Variants in MACROD2 observed in about 807,000 individuals in gnomAD.
MACROD2 encodes the protein ADP-ribose glycohydrolase MACROD2.
A neutral mutation model predicts 70.4 loss-of-function variants in MACROD2; 36 were observed. The ratio of observed to expected loss-of-function variants is 0.51; its 90% confidence interval spans 0.39 to 0.68. The LOEUF (loss-of-function observed/expected upper bound fraction) is 0.68. Among genes scored for constraint, MACROD2 ranks in the 30% least tolerant of loss-of-function variants. MACROD2 has a pLI of 0.00. For missense variants in MACROD2, 496 were observed against 538.4 expected, an observed-to-expected ratio of 0.92 and a Z score of 0.78; for synonymous variants, 172 against 178.8, an observed-to-expected ratio of 0.96 and a Z score of 0.30.
At chr20:15,473,716 T>G (rs2046987926) in intron 7 of MACROD2, among the ~76,000 whole-genome samples, 1 of 152,218 alleles carries the variant, frequency 6.6e-6, no homozygotes, top group African/African-American at 2.4e-5. Flanking sequence ...TCCCTTAGTT[T>G]CCAACTCTGC....
At chr20:15,528,431 T>C (rs1394033192) in intron 8 of MACROD2, among the ~76,000 whole-genome samples, 3 of 152,198 alleles carry the variant, frequency 2.0e-5, no homozygotes, top group Non-Finnish European at 2.9e-5. Flanking sequence ...TGGATGCTTT[T>C]TTATCATGAG....
intron 3 of MACROD2, among the ~76,000 whole-genome samples, chr20:14,460,339 C>T (rs2084353829): frequency 1.3e-5 from 2 of 152,122 alleles, no homozygotes; most frequent in South Asian, 4.1e-4. Flanking sequence ...TACACTCCCA[C>T]CAACAGTGTA....
intron 5 of MACROD2, among the ~76,000 whole-genome samples, chr20:15,197,845 C>T (rs199313): frequency 0.2 from 30,160 of 151,666 alleles, 3,406 homozygotes; most frequent in African/African-American, 0.31. Context: ...TAGAGGTGCA[C>T]ACCATCACAT....
chr20:14,251,120 G>C (rs575203972), intron 3 of MACROD2, among the ~76,000 whole-genome samples: 33 of 152,192 alleles, frequency 2.2e-4, no homozygotes, highest in Non-Finnish European at 4.0e-4. Context: ...GAATGTGTTT[G>C]AGGACCTATG....
At chr20:16,006,020 A>G (rs1354218568) in intron 15 of MACROD2, among the ~76,000 whole-genome samples, 1 of 152,192 alleles carries the variant, frequency 6.6e-6, no homozygotes, top group Non-Finnish European at 1.5e-5. Context: ...AAGGGAGATC[A>G]GTTAAAGACT....
At chr20:14,247,703 GTGA>G (rs1422257749) in intron 3 of MACROD2, among the ~76,000 whole-genome samples, 1 of 152,202 alleles carries the variant, frequency 6.6e-6, no homozygotes, top group Non-Finnish European at 1.5e-5. Context: ...GTGAAAATGT[GTGA>G]TGGGATTATT....
chr20:15,930,602 G>C (rs1024657438), intron 10 of MACROD2, among the ~76,000 whole-genome samples: 1 of 152,182 alleles, frequency 6.6e-6, no homozygotes, highest in Non-Finnish European at 1.5e-5. Flanking sequence ...GAAAGCATTT[G>C]CTCTGTGATA....
At chr20:15,574,888 T>A (rs2048423566) in intron 8 of MACROD2, among the ~76,000 whole-genome samples, 5 of 152,222 alleles carry the variant, frequency 3.3e-5, no homozygotes, top group Admixed American at 3.3e-4. Context: ...CAAGGTCATG[T>A]ATGAAATTAG....
At chr20:14,164,754 C>T (rs148527437) in intron 3 of MACROD2, among the ~76,000 whole-genome samples, 22 of 152,084 alleles carry the variant, frequency 1.4e-4, no homozygotes, top group Middle Eastern at 3.4e-3. Flanking sequence ...TTAGATGGCA[C>T]GCTTACTTAC....
At chr20:14,582,611 T>C (rs1262856401) in intron 4 of MACROD2, among the ~76,000 whole-genome samples, 1 of 152,204 alleles carries the variant, frequency 6.6e-6, no homozygotes, top group Non-Finnish European at 1.5e-5. Flanking sequence ...ATGGTGCTAA[T>C]GCAGTGTGAT....
chr20:15,460,936 C>T lies in MACROD2; in HGVS notation c.571+29501C>T, dbSNP rs148778969. 3.1e-3 allele frequency among the ~76,000 whole-genome samples: 442 copies of T among 141,920 alleles called. 4 individuals are homozygous for T. Among genetic ancestry groups the T allele is most frequent in the African/African-American group, 0.011 (409 of 38,800 alleles). The allele number at this position is 141,920 out of a possible 152,430, so 93.1% of individuals were successfully genotyped here. On this transcript the variant is annotated intron_variant, in intron 7 of 17. Coordinates refer to ENST00000684519, the MANE Select transcript of MACROD2 (RefSeq NM_001351661.2). ...GGAGAAGATGAATGAGTCCACTTTTCTTCATTATAAATAGCTTCCCTTTAA... is the reference window on the plus strand; with the variant it reads ...GGAGAAGATGAATGAGTCCACTTTTTTTCATTATAAATAGCTTCCCTTTAA...
At chr20:15,198,237 G>T (rs953051121) in intron 5 of MACROD2, among the ~76,000 whole-genome samples, 1 of 152,078 alleles carries the variant, frequency 6.6e-6, no homozygotes, top group African/African-American at 2.4e-5. Flanking sequence ...TGAATTACAG[G>T]CATGAGCCAA....
Position 15,884,145 on chromosome 20 carries a change from C to G in MACROD2, c.728-1619C>G, listed in dbSNP as rs141791331. ...CCCAGGGGATGGATGGATGGAGGAG[C>G]CAGGATGCAAACCTAAGCCCATGTG... On this transcript the variant is annotated intron_variant, in intron 9 of 17. Coordinates refer to ENST00000684519, the MANE Select transcript of MACROD2 (RefSeq NM_001351661.2). Among the ~76,000 whole-genome samples, 10 of 152,096 alleles carry G rather than the reference C, an allele frequency of 6.6e-5. No individual in the cohort carries two copies. The East Asian group carries it at 1.9e-3, about 29-fold the overall frequency.
At chr20:14,177,967 A>C (rs1240414796) in intron 3 of MACROD2, among the ~76,000 whole-genome samples, 2 of 152,180 alleles carry the variant, frequency 1.3e-5, no homozygotes, top group Non-Finnish European at 2.9e-5. Flanking sequence ...CTCTGACTTA[A>C]AATCAGAGGC....
chr20:15,583,920 T>A (rs533995706), intron 8 of MACROD2, among the ~76,000 whole-genome samples: 2 of 152,350 alleles, frequency 1.3e-5, no homozygotes, highest in East Asian at 3.9e-4. Flanking sequence ...ATTACAGGCG[T>A]AAGCCACAAC....
At chr20:15,232,982 C>T (rs375048593) in intron 6 of MACROD2, among the ~76,000 whole-genome samples, 1 of 151,908 alleles carries the variant, frequency 6.6e-6, no homozygotes, top group Non-Finnish European at 1.5e-5. Context: ...TATCAGGTAA[C>T]TTCCGTGACA....
At chr20:15,835,237 A>G (rs1037721358) in intron 8 of MACROD2, among the ~76,000 whole-genome samples, 9 of 128,586 alleles carry the variant, frequency 7.0e-5, no homozygotes, top group Non-Finnish European at 1.5e-4. Context: ...TAGAAACTGA[A>G]AGATAATAAA....
In MACROD2 at chr20:15,023,626, A is replaced by G. The variant is rs139812876; in HGVS notation, c.419-206314A>G. Among the ~76,000 whole-genome samples the G allele has an allele frequency of 3.0e-3, 452 of 152,314 alleles. 3 individuals are homozygous for G. Among genetic ancestry groups the G allele is most frequent in the African/African-American group, 0.01 (433 of 41,582 alleles). On this transcript the variant is annotated intron_variant, in intron 5 of 17. Transcript: ENST00000684519. ...AAAGAGAAGCAAAGGCATGTCTTAC[A>G]TGGCGGCAGGCAAGAGGGTGTGTGC...
intron 8 of MACROD2, among the ~76,000 whole-genome samples, chr20:15,851,530 C>T (rs2064298404): frequency 6.6e-6 from 1 of 152,066 alleles, no homozygotes. Context: ...GATGAGAAAA[C>T]TTGTTATATG....
Sources: gnomAD v4.1 joint callset for allele counts (sites outside exome capture counted in the v4.1 genomes callset) on GRCh38, gnomAD v4.1.1 for gene constraint, MANE v1.5 for transcripts, NCBI Gene and HGNC (gene_info 2026-07-23, HGNC 2026-07-21) for gene names.